Variants in BABAM2 observed in about 807,000 individuals in gnomAD.
The protein encoded by BABAM2 is BRISC and BRCA1-A complex member 2.
In BABAM2, 31 loss-of-function variants were observed where a neutral mutation model predicts 54.7. The observed-to-expected ratio is 0.57, with a 90% CI of 0.43 to 0.77. The LOEUF (loss-of-function observed/expected upper bound fraction) is 0.77. Among genes scored for constraint, BABAM2 ranks in the 30% least tolerant of loss-of-function variants. The pLI is 0.00. For synonymous variants in BABAM2, 167 were observed against 162.9 expected, an observed-to-expected ratio of 1.03 and a Z score of -0.19; for missense variants, 364 against 455.8, an observed-to-expected ratio of 0.80 and a Z score of 1.83.
chr2:28,029,355 T>G (rs907577340), intron 5 of BABAM2, among the ~76,000 whole-genome samples: 2 of 152,220 alleles, frequency 1.3e-5, no homozygotes, highest in South Asian at 2.1e-4. Context: ...CATTAAACAC[T>G]AATTCCTCCT....
chr2:28,024,869 A>G (rs1239743650), intron 4 of BABAM2, among the ~76,000 whole-genome samples: 1 of 152,240 alleles, frequency 6.6e-6, no homozygotes, highest in Non-Finnish European at 1.5e-5. Context: ...GATCAAAAAA[A>G]TTAAAATTAT....
chr2:28,059,827 G>A (rs997730441), intron 6 of BABAM2, among the ~76,000 whole-genome samples: 4 of 152,156 alleles, frequency 2.6e-5, no homozygotes, highest in African/African-American at 9.6e-5. Context: ...TATTCAAGAA[G>A]AAGTAGATAA....
upstream of BABAM2, among the ~76,000 whole-genome samples, chr2:27,889,227 A>C (rs1276720642): frequency 6.6e-6 from 1 of 152,218 alleles, no homozygotes; most frequent in East Asian, 1.9e-4. Flanking sequence ...CTATTTTCTG[A>C]GTAGAATACA....
At chr2:28,026,938 A>ATT (rs1558667891) in intron 5 of BABAM2, among the ~76,000 whole-genome samples, 3 of 11,030 alleles carry the variant, frequency 2.7e-4, no homozygotes, top group Non-Finnish European at 1.5e-3. Context: ...ATATATATAT[A>ATT]AATATATATT....
chr2:28,160,451 G>A (rs1672958797), intron 7 of BABAM2, among the ~76,000 whole-genome samples: 1 of 152,170 alleles, frequency 6.6e-6, no homozygotes, highest in Admixed American at 6.5e-5. Flanking sequence ...GTCAGCCACA[G>A]CATTAGGCTA....
chr2:28,172,553 A>G (rs1005761580), intron 7 of BABAM2, among the ~76,000 whole-genome samples: 2 of 152,154 alleles, frequency 1.3e-5, no homozygotes, highest in Non-Finnish European at 2.9e-5. Flanking sequence ...TCCCCAAAGT[A>G]TCCTAGAACT....
intron 3 of BABAM2, among the ~76,000 whole-genome samples, chr2:27,981,110 G>T (rs1671963359): frequency 6.6e-6 from 1 of 151,962 alleles, no homozygotes; most frequent in East Asian, 1.9e-4. Flanking sequence ...ATTTTGTAAA[G>T]TTCCTTAAAA....
At chr2:27,960,310 T>C (rs72812512) in intron 3 of BABAM2, among the ~76,000 whole-genome samples, 12,683 of 152,218 alleles carry the variant, frequency 0.083, 832 homozygotes, top group African/African-American at 0.18. Flanking sequence ...TTGTGGGAGC[T>C]AAAGTATAAG....
chr2:28,051,717 C>T (rs926073118), intron 6 of BABAM2, among the ~76,000 whole-genome samples: 3 of 151,722 alleles, frequency 2.0e-5, no homozygotes, highest in South Asian at 2.1e-4. Flanking sequence ...GGCTCCATCT[C>T]GGCTCACTGC....
chr2:27,890,606 G>T (rs1042096542), upstream of BABAM2: 3 of 443,078 alleles, frequency 6.8e-6, no homozygotes, highest in Non-Finnish European at 1.2e-5. The surrounding 1 kb of genome is among the most constrained non-coding windows in gnomAD (Gnocchi z 4.8). Context: ...CGGGGCAGGC[G>T]CTGAGGAAGG....
At chr2:28,078,317 G>T (rs1001290660) in intron 6 of BABAM2, among the ~76,000 whole-genome samples, 5 of 142,324 alleles carry the variant, frequency 3.5e-5, no homozygotes, top group Non-Finnish European at 7.8e-5. Flanking sequence ...CTTGAATTAA[G>T]TTGACCCTTA....
intron 3 of BABAM2, among the ~76,000 whole-genome samples, chr2:27,938,373 A>C (rs922491335): frequency 1.3e-5 from 2 of 152,064 alleles, no homozygotes; most frequent in Non-Finnish European, 2.9e-5. Flanking sequence ...GATAACTATC[A>C]CAGCAAACAG....
chr2:28,123,705 C>T (rs1477404846), intron 6 of BABAM2, among the ~76,000 whole-genome samples: 2 of 152,190 alleles, frequency 1.3e-5, no homozygotes, highest in African/African-American at 2.4e-5. Flanking sequence ...CTTGTTTAAG[C>T]ACTCAAATTC....
chr2:27,928,208 G>A (rs960276959), intron 2 of BABAM2, among the ~76,000 whole-genome samples: 1 of 152,098 alleles, frequency 6.6e-6, no homozygotes, highest in Middle Eastern at 3.2e-3. Context: ...TGGAGACAGG[G>A]TTTCACCATG....
At chr2:28,056,488 G>A (rs1170334332) in intron 6 of BABAM2, among the ~76,000 whole-genome samples, 1 of 151,656 alleles carries the variant, frequency 6.6e-6, no homozygotes, top group East Asian at 1.9e-4. Flanking sequence ...TTTATGATGT[G>A]CTTCTTTCTT....
intron 8 of BABAM2, among the ~76,000 whole-genome samples, chr2:28,238,041 G>A (rs904627240): frequency 3.9e-5 from 6 of 152,032 alleles, no homozygotes; most frequent in African/African-American, 1.4e-4. Context: ...GTAGAGATGA[G>A]GGTTCACCAT....
chr2:27,891,381 T>C (rs1182462853), intron 1 of BABAM2, among the ~76,000 whole-genome samples: 2 of 152,192 alleles, frequency 1.3e-5, no homozygotes, highest in Non-Finnish European at 2.9e-5. Flanking sequence ...TTTAGACGTC[T>C]TTGTAATCCC....
At chr2:28,223,550 C>T (rs751045099) in intron 7 of BABAM2, among the ~76,000 whole-genome samples, 2 of 152,234 alleles carry the variant, frequency 1.3e-5, no homozygotes, top group Admixed American at 6.5e-5. Context: ...CTTGATCGTA[C>T]TCTCTGCTTA....
chr2:28,328,617 C>G (rs1360244542), intron 11 of BABAM2, among the ~76,000 whole-genome samples: 1 of 152,186 alleles, frequency 6.6e-6, no homozygotes, highest in Non-Finnish European at 1.5e-5. Context: ...AACTGTTAGG[C>G]TCTTGCCAAA....
Sources: gnomAD v4.1 joint callset for allele counts (sites outside exome capture counted in the v4.1 genomes callset) on GRCh38, gnomAD v4.1.1 for gene constraint, Gnocchi (gnomAD v3.1) non-coding constraint, MANE v1.5 for transcripts, NCBI Gene and HGNC (gene_info 2026-07-23, HGNC 2026-07-21) for gene names.